Variants in GNAI2 observed in about 807,000 individuals in gnomAD.
GNAI2 encodes G protein subunit alpha i2.
Under a neutral mutation model 36.8 loss-of-function variants are expected in GNAI2, and 4 were observed. The ratio of observed to expected loss-of-function variants is 0.11; its 90% CI spans 0.05 to 0.25. The LOEUF is 0.25. Among genes scored for constraint, GNAI2 ranks in the 10% least tolerant of loss-of-function variants. The pLI is 1.00. For synonymous variants in GNAI2, 194 were observed against 194.1 expected (o/e 1.00, Z 0.01); for missense variants, 230 against 481.3 (o/e 0.48, Z 4.89).
Position 50,257,606 on chromosome 3 carries a change from C to A in GNAI2, c.984C>A (p.Thr328=). ...KEIYTHFTCA[T]DTKNVQFVFD... Reference sequence around the variant, plus strand: ...TCTACACGCACTTCACGTGCGCCACCGACACCAAGAACGTGCAGTTCGTGT... The same window carrying A: ...TCTACACGCACTTCACGTGCGCCACAGACACCAAGAACGTGCAGTTCGTGT... Residue 328 remains threonine, a synonymous_variant, in exon 8 of 9, where the codon ACC becomes ACA. Transcript: ENST00000313601. 1 of 1,610,966 alleles carries A rather than the reference C, an allele frequency of 6.2e-7. No homozygotes were observed. Among genetic ancestry groups the A allele is most frequent in the Non-Finnish European group, 8.5e-7 (1 of 1,178,068 alleles).
chr3:50,258,900 A>G lies in GNAI2; in HGVS notation c.*557A>G. On this transcript the variant is annotated 3_prime_UTR_variant, in exon 9 of 9. Transcript: ENST00000313601. ...TTTTTAAAAAAATGAAAGTAAAGGA[A>G]AAAAAAAAAACTGCAAATCTAGAAA... The G allele has an allele frequency of 2.3e-6, 1 of 439,794 alleles. No individual in the cohort carries two copies. Among genetic ancestry groups the G allele is most frequent in the Non-Finnish European group, 4.5e-6 (1 of 221,806 alleles). The allele number at this position is 439,794 out of a possible 1,614,324, so 27.2% of individuals were successfully genotyped here. A position where few individuals can be genotyped will look rare whatever the true frequency, so the allele number is the denominator to read the frequency against.
upstream of GNAI2, chr3:50,229,620 C>T (rs1252216591): frequency 6.6e-6 from 1 of 152,402 alleles, no homozygotes; most frequent in Non-Finnish European, 1.5e-5. Context: ...CTGGACTCCT[C>T]TCTGGTTTGG....
upstream of GNAI2, among the ~76,000 whole-genome samples, chr3:50,235,665 G>A (rs1553700227): frequency 6.6e-6 from 1 of 152,102 alleles, no homozygotes; most frequent in East Asian, 1.9e-4. Context: ...GGGAGAAGGC[G>A]GTAAACCCGC....
rs1700772278 is a variant in GNAI2 at position 50,258,621 on chromosome 3, G to A, written c.*278G>A. ...TGTTCTGGTTTTTAACCATTGTCTT[G>A]TTCTGTGATGAGGGGAGGGGGGCAC... On this transcript the variant is annotated 3_prime_UTR_variant, in exon 9 of 9. Coordinates refer to ENST00000313601, the MANE Select transcript of GNAI2 (RefSeq NM_002070.4). The A allele has an allele frequency of 6.6e-6, 2 of 302,354 alleles. No individual in the cohort carries two copies. Among genetic ancestry groups the A allele is most frequent in the Non-Finnish European group, 1.3e-5 (2 of 154,616 alleles). 18.7% of individuals were successfully genotyped at this position (302,354 alleles called of 1,614,324 possible). A position where few individuals can be genotyped will look rare whatever the true frequency, so the allele number is the denominator to read the frequency against.
upstream of GNAI2, chr3:50,235,080 C>T (rs1458049389): frequency 6.6e-6 from 1 of 152,280 alleles, no homozygotes; most frequent in Non-Finnish European, 1.5e-5. Context: ...GCAACTTCTT[C>T]CTCTTTCTTC....
intron 1 of GNAI2, chr3:50,239,891 G>T (rs1235359208): frequency 6.6e-6 from 1 of 152,276 alleles, no homozygotes; most frequent in African/African-American, 2.4e-5. Context: ...GGGCTGCTCC[G>T]CAGCCCTGGG....
At chr3:50,233,237 C>T (rs587616164), upstream of GNAI2, among the ~76,000 whole-genome samples, 2 of 152,222 alleles carry the variant, frequency 1.3e-5, no homozygotes, top group African/African-American at 2.4e-5. Flanking sequence ...GGGAAGGGTG[C>T]CATAACCACA....
chr3:50,244,031 T>A (rs1700358987), intron 1 of GNAI2, among the ~76,000 whole-genome samples: 1 of 148,216 alleles, frequency 6.7e-6, no homozygotes, highest in Non-Finnish European at 1.5e-5. Flanking sequence ...ACTCCTTTTT[T>A]TTTTTTTTTT....
At chr3:50,246,779 C>T in intron 1 of GNAI2, 1 of 614,974 alleles carries the variant, frequency 1.6e-6, no homozygotes, top group Admixed American at 3.8e-5. Flanking sequence ...TGTGTGCAGC[C>T]AGTGAGCAAT....
intron 1 of GNAI2, chr3:50,246,756 C>G (rs1700434277): frequency 2.1e-6 from 1 of 482,234 alleles, no homozygotes; most frequent in Non-Finnish European, 3.5e-6. Context: ...GGAGGTGTGC[C>G]TGGCTTTCTG....
rs781895740 is a variant in GNAI2, at chr3:50,257,044, G to A, written c.831G>A (p.Glu277=). 6.2e-7 allele frequency: 1 copy of A among 1,613,978 alleles called. No individual in the cohort carries two copies. Residue 277 remains glutamate (E), a synonymous_variant, in exon 7 of 9, where the codon GAG becomes GAA. Coordinates refer to ENST00000313601, the MANE Select transcript of GNAI2 (RefSeq NM_002070.4). ...TCAACAAGAAGGACCTGTTTGAGGA[G>A]AAGATCACACACAGTCCCCTGACCA... ...LFLNKKDLFE[E]KITHSPLTIC... is the part of the protein sequence containing the mutation.
Position 50,238,751 on chromosome 3 carries a change from A to C in GNAI2, c.118+2298A>C, listed in dbSNP as rs781837435. On this transcript the variant is annotated intron_variant, in intron 1 of 8. Coordinates refer to ENST00000313601, the MANE Select transcript of GNAI2 (RefSeq NM_002070.4). This position sits in a 1 kb window ranked among gnomAD's most constrained non-coding sequence, Gnocchi z 5.0. ...CTGGGGAGGGATCCTGGCTTGAGCC[A>C]TGCCTTTCCCATCCAGGTGCAAGGT... is the stretch of plus-strand genomic sequence containing the variant. Among the ~76,000 whole-genome samples, 14 of 152,226 alleles carry C rather than the reference A, an allele frequency of 9.2e-5. No individual in the cohort carries two copies. Among genetic ancestry groups the C allele is most frequent in the Non-Finnish European group, 1.9e-4 (13 of 68,040 alleles).
intron 1 of GNAI2, among the ~76,000 whole-genome samples, chr3:50,245,986 T>C (rs1420724422): frequency 6.6e-6 from 1 of 152,166 alleles, no homozygotes; most frequent in Non-Finnish European, 1.5e-5. Flanking sequence ...GCATCCGTTA[T>C]AGGGCCATGC....
chr3:50,251,980 A>G, intron 1 of GNAI2, 120 bp from the exon 2 acceptor site: 1 of 1,017,316 alleles, frequency 9.8e-7, no homozygotes, highest in Non-Finnish European at 1.5e-6. Flanking sequence ...CCTCCATCTC[A>G]CGGTGCAGCT....
chr3:50,252,416 T>C lies in GNAI2; in HGVS notation c.181T>C (p.Tyr61His). 6.2e-7 allele frequency: 1 copy of C among 1,613,756 alleles called. No homozygotes were observed. Among genetic ancestry groups the C allele is most frequent in the Non-Finnish European group, 8.5e-7 (1 of 1,179,972 alleles). ...KQMKIIHEDG[Y>H]SEEECRQYRA... ...TATCAGGATCATCCACGAGGATGGC[T>C]ACTCCGAGGAGGAATGCCGGCAGTA... The change falls in exon 3 of 9, where the codon TAC (tyrosine) becomes CAC (histidine). Residue 61 changes from tyrosine to histidine, a missense_variant. Tyr to His is a moderately conservative substitution (Grantham distance 83). Transcript: ENST00000313601. The surrounding 1 kb of genome is among the most constrained non-coding windows in gnomAD (Gnocchi z 4.1).
Position 50,258,944 on chromosome 3 carries a change from A to G in GNAI2, c.*601A>G, listed in dbSNP as rs1284740993. On this transcript the variant is annotated 3_prime_UTR_variant, in exon 9 of 9. Coordinates refer to ENST00000313601, the MANE Select transcript of GNAI2 (RefSeq NM_002070.4). ...CTAGAAAACTTTTTAGAGAAAAACTATTTAAAACTGTCAGATCCTGACCAG... is the reference window on the plus strand; with the variant it reads ...CTAGAAAACTTTTTAGAGAAAAACTGTTTAAAACTGTCAGATCCTGACCAG... 2.2e-6 allele frequency: 1 copy of G among 448,442 alleles called. No homozygotes were observed. The highest frequency in any genetic ancestry group is 7.0e-5 in the East Asian group (1 of 14,350). The allele number at this position is 448,442 out of a possible 1,614,324, so 27.8% of individuals were successfully genotyped here.
At position 50,236,259 on chromosome 3, in the gene GNAI2, G is replaced by A; in HGVS notation, c.-77G>A. 1 of 1,215,806 alleles carries A rather than the reference G, an allele frequency of 8.2e-7. No homozygotes were observed. The highest frequency in any genetic ancestry group is 3.6e-5 in the East Asian group (1 of 27,992). 75.3% of individuals were successfully genotyped at this position (1,215,806 alleles called of 1,614,324 possible). Reference sequence around the variant, plus strand: ...CCCGCAGAGGGCTGGTGGTGGGAGCGGAGTGGGTCGGGCGGGGCCGAGCCG... The same window carrying A: ...CCCGCAGAGGGCTGGTGGTGGGAGCAGAGTGGGTCGGGCGGGGCCGAGCCG... On this transcript the variant is annotated 5_prime_UTR_variant, in exon 1 of 9. Transcript: ENST00000313601. The surrounding 1 kb of genome is among the most constrained non-coding windows in gnomAD (Gnocchi z 4.0).
Position 50,252,245 on chromosome 3 carries a change from G to A in GNAI2, c.161+103G>A, listed in dbSNP as rs1553702573. ...TACAGGCCCAGCCAGTCTTAGCCAGGCCCAGAATCTTCTGAGAAGCAGAAG... is the reference window on the plus strand; with the variant it reads ...TACAGGCCCAGCCAGTCTTAGCCAGACCCAGAATCTTCTGAGAAGCAGAAG... On this transcript the variant is annotated intron_variant, in intron 2 of 8. Coordinates refer to ENST00000313601, the MANE Select transcript of GNAI2 (RefSeq NM_002070.4). The surrounding 1 kb of genome is among the most constrained non-coding windows in gnomAD (Gnocchi z 4.1). The A allele has an allele frequency of 7.0e-7, 1 of 1,428,104 alleles. No individual in the cohort carries two copies. The highest frequency in any genetic ancestry group is 1.4e-5 in the African/African-American group (1 of 71,342). 88.5% of individuals were successfully genotyped at this position (1,428,104 alleles called of 1,614,324 possible). A position where few individuals can be genotyped will look rare whatever the true frequency, so the allele number is the denominator to read the frequency against.
At chr3:50,248,414 C>T (rs888341617) in intron 1 of GNAI2, among the ~76,000 whole-genome samples, 1 of 152,160 alleles carries the variant, frequency 6.6e-6, no homozygotes, top group Admixed American at 6.5e-5. Context: ...GAGAGTGAAG[C>T]TACTACCCCA....
Sources: allele counts gnomAD v4.1 joint callset (sites outside exome capture counted in the v4.1 genomes callset), GRCh38; gene constraint gnomAD v4.1.1; non-coding constraint Gnocchi (gnomAD v3.1); transcripts MANE v1.5; gene names NCBI Gene and HGNC (gene_info 2026-07-23, HGNC 2026-07-21).